Variants in DAP3 observed in about 807,000 individuals in gnomAD.
DAP3 encodes the protein small ribosomal subunit protein mS29.
A neutral mutation model predicts 51.9 loss-of-function variants in DAP3; 28 were observed. The observed-to-expected ratio is 0.54, with a 90% CI of 0.40 to 0.74. The LOEUF (loss-of-function observed/expected upper bound fraction) is 0.74, where lower values mean the gene tolerates loss of function less well. Ranked by LOEUF, DAP3 falls within the 30% of genes least tolerant of loss-of-function variation. DAP3 has a pLI of 0.00. For synonymous variants in DAP3, 170 were observed against 170.3 expected (o/e 1.00, Z 0.01); for missense variants, 458 against 483.5 (o/e 0.95, Z 0.49).
At chr1:155,724,589 C>T (rs978731248) in intron 4 of DAP3, among the ~76,000 whole-genome samples, 16 of 147,988 alleles carry the variant, frequency 1.1e-4, no homozygotes, top group African/African-American at 4.0e-4. Flanking sequence ...GCCGAGATCA[C>T]ACCACTGCAC....
At chr1:155,695,067 A>G (rs989230971) in intron 1 of DAP3, among the ~76,000 whole-genome samples, 1 of 152,174 alleles carries the variant, frequency 6.6e-6, no homozygotes, top group Admixed American at 6.5e-5. Context: ...ACTGTGTTCA[A>G]TGCTCTGTTG....
chr1:155,708,349 C>T lies in DAP3; in HGVS notation c.-7-1424C>T, dbSNP rs575314947. Among the ~76,000 whole-genome samples, 8 of 152,134 alleles carry T rather than the reference C, an allele frequency of 5.3e-5. No individual in the cohort carries two copies. In the East Asian group the frequency reaches 9.7e-4, roughly 18 times the overall value. On this transcript the variant is annotated intron_variant, in intron 1 of 12. Transcript: ENST00000368336. ...CAGGCTTGAGCCACCACACTTTCAA[C>T]TTTTTGTTTGTACATTTTCAACTTT...
At chr1:155,701,419 CAG>C (rs1480146999) in intron 1 of DAP3, among the ~76,000 whole-genome samples, 1 of 110,746 alleles carries the variant, frequency 9.0e-6, no homozygotes, top group African/African-American at 4.2e-5. Context: ...TGTGTCCACT[CAG>C]GGTTAAATGG....
At chr1:155,720,324 CAAAAAA>C (rs61252469) in intron 3 of DAP3, among the ~76,000 whole-genome samples, 9 of 32,790 alleles carry the variant, frequency 2.7e-4, no homozygotes, top group Admixed American at 4.7e-4. Context: ...GATCTTGTCT[CAAAAAA>C]AAAAAAAAAA....
At chr1:155,698,942 A>G (rs990205250) in intron 1 of DAP3, among the ~76,000 whole-genome samples, 4 of 152,092 alleles carry the variant, frequency 2.6e-5, no homozygotes, top group African/African-American at 9.7e-5. Context: ...GCATGCCTTC[A>G]CTGGATTCTT....
chr1:155,731,965 G>T lies in DAP3; in HGVS notation c.925G>T (p.Ala309Ser). The change falls in exon 11 of 13, where the codon GCT (alanine) becomes TCT (serine). Residue 309 changes from alanine to serine, a missense_variant. Transcript: ENST00000368336. Reference sequence around the variant, plus strand: ...TCAGCATGGAGGCGCCATTGTGTCGGCTTTGAGCCAGACTGGGTCTCTCTT... The same window carrying T: ...TCAGCATGGAGGCGCCATTGTGTCGTCTTTGAGCCAGACTGGGTCTCTCTT... Reference protein sequence around the residue: ...NDWHGGAIVSALSQTGSLFKP... With the variant: ...NDWHGGAIVSSLSQTGSLFKP... 6.2e-7 allele frequency: 1 copy of T among 1,611,422 alleles called. No individual in the cohort carries two copies. The highest frequency in any genetic ancestry group is 1.1e-5 in the South Asian group (1 of 90,404).
intron 1 of DAP3, among the ~76,000 whole-genome samples, chr1:155,692,998 A>T (rs1654048231): frequency 7.1e-6 from 1 of 141,794 alleles, no homozygotes; most frequent in South Asian, 2.1e-4. Flanking sequence ...GACTGCAATA[A>T]GGCCCATAAT....
chr1:155,695,327 C>T (rs993151121), intron 1 of DAP3, among the ~76,000 whole-genome samples: 5 of 152,192 alleles, frequency 3.3e-5, no homozygotes, highest in Non-Finnish European at 4.4e-5. Flanking sequence ...TGCCAACCCT[C>T]GAGGGTTAAC....
chr1:155,688,886 A>G (rs758562980), upstream of DAP3: 1 of 1,611,468 alleles, frequency 6.2e-7, no homozygotes, highest in South Asian at 1.1e-5. Flanking sequence ...TTGCCGTTTG[A>G]CTGGAATTGC....
intron 1 of DAP3, among the ~76,000 whole-genome samples, chr1:155,692,219 T>C (rs915434452): frequency 7.1e-6 from 1 of 141,416 alleles, no homozygotes; most frequent in South Asian, 2.1e-4. Context: ...GCACAGTGTT[T>C]ATAGATAAGA....
Position 155,727,717 on chromosome 1 carries a change from A to G in DAP3, c.582A>G (p.Thr194=). 6.2e-7 allele frequency: 1 copy of G among 1,613,614 alleles called. No individual in the cohort carries two copies. The highest frequency in any genetic ancestry group is 8.5e-7 in the Non-Finnish European group (1 of 1,179,740). The change falls in exon 7 of 13, where the codon ACA becomes ACG. Residue 194 remains threonine (T), a synonymous_variant. Transcript: ENST00000368336. ...CCTGGCTGAAGAATTTCAAAACTAC[A>G]AATGAGCGCTTCCTGAACCAGGTGA... ...ASTWLKNFKT[T]NERFLNQIKV...
chr1:155,709,140 A>T (rs1571479259), intron 1 of DAP3: 1 of 147,586 alleles, frequency 6.8e-6, no homozygotes, highest in Admixed American at 6.7e-5. Flanking sequence ...GAGCCATTAC[A>T]CCTGGCCTAT....
In DAP3 at chr1:155,689,099, A is replaced by C. The variant is rs1452083084; in HGVS notation, c.-83A>C. 5 of 1,346,946 alleles carry C rather than the reference A, an allele frequency of 3.7e-6. No homozygotes were observed. Among genetic ancestry groups the C allele is most frequent in the East Asian group, 5.0e-5 (2 of 40,206 alleles). 83.4% of individuals were successfully genotyped at this position (1,346,946 alleles called of 1,614,324 possible). A position where few individuals can be genotyped will look rare whatever the true frequency, so the allele number is the denominator to read the frequency against. On this transcript the variant is annotated 5_prime_UTR_variant, in exon 1 of 13. Transcript: ENST00000368336. ...TGACCCGACCCTTTTTTGCAGTCTC[A>C]GGACGGGCGCTTTGGAGCCGGCCCC...
intron 3 of DAP3, 71 bp from the exon 4 acceptor site, chr1:155,721,446 A>G: frequency 1.5e-6 from 2 of 1,301,438 alleles, no homozygotes; most frequent in East Asian, 2.3e-5. Flanking sequence ...ATACACACAC[A>G]TAGATAAGAC....
chr1:155,707,305 C>T (rs368810080), intron 1 of DAP3, among the ~76,000 whole-genome samples: 10 of 150,446 alleles, frequency 6.6e-5, no homozygotes, highest in Middle Eastern at 3.4e-3. Flanking sequence ...CCCAGCTACT[C>T]GGGAGGCTGA....
intron 9 of DAP3, among the ~76,000 whole-genome samples, chr1:155,731,089 G>A (rs1275083188): frequency 6.6e-6 from 1 of 152,036 alleles, no homozygotes; most frequent in Admixed American, 6.6e-5. Context: ...CTAACACGGG[G>A]AAACCCTGTC....
intron 1 of DAP3, among the ~76,000 whole-genome samples, chr1:155,699,005 G>A (rs755734944): frequency 2.0e-5 from 3 of 152,112 alleles, no homozygotes; most frequent in Non-Finnish European, 2.9e-5. Context: ...AACACCATCC[G>A]TAGGGTACCT....
intron 1 of DAP3, among the ~76,000 whole-genome samples, chr1:155,708,069 CAG>C (rs2149141059): frequency 6.6e-6 from 1 of 152,210 alleles, no homozygotes; most frequent in African/African-American, 2.4e-5. Flanking sequence ...TGTTTTGAGA[CAG>C]AGTTTCACTC....
At chr1:155,727,789 T>C in intron 7 of DAP3, 51 bp downstream of exon 7, 1 of 1,594,436 alleles carries the variant, frequency 6.3e-7, no homozygotes, top group Non-Finnish European at 8.5e-7. Flanking sequence ...CATGGATTCT[T>C]TGTGCCCTGA....
Sources: gnomAD v4.1 joint callset for allele counts (sites outside exome capture counted in the v4.1 genomes callset) on GRCh38, gnomAD v4.1.1 for gene constraint, MANE v1.5 for transcripts, NCBI Gene and HGNC (gene_info 2026-07-23, HGNC 2026-07-21) for gene names.